Variants in TPTE2 observed in about 807,000 individuals in gnomAD.
TPTE2 encodes the protein transmembrane phosphoinositide 3-phosphatase and tensin homolog 2.
In TPTE2, 53 loss-of-function variants were observed where a neutral mutation model predicts 78.6. The ratio of observed to expected loss-of-function variants is 0.67; its 90% CI spans 0.54 to 0.85. The LOEUF (loss-of-function observed/expected upper bound fraction) is 0.85. TPTE2 is among the 40% of genes least tolerant of loss of function. The pLI is 0.00. For synonymous variants in TPTE2, 175 were observed against 206.2 expected (o/e 0.85, Z 1.30); for missense variants, 461 against 623.0 (o/e 0.74, Z 2.77).
intron 1 of TPTE2, among the ~76,000 whole-genome samples, chr13:19,522,613 T>C (rs977232383): frequency 1.4e-4 from 13 of 93,158 alleles, no homozygotes; most frequent in Non-Finnish European, 2.5e-4. Context: ...TCCTTACTTT[T>C]TTTTTCTTTT....
At chr13:19,504,345 T>C (rs1346935303), upstream of TPTE2, among the ~76,000 whole-genome samples, 2 of 152,102 alleles carry the variant, frequency 1.3e-5, no homozygotes, top group Non-Finnish European at 2.9e-5. Context: ...CAGTGCCTTC[T>C]TTTCACCATC....
chr13:19,484,395 GATA>G (rs1880535138), intron 3 of TPTE2, among the ~76,000 whole-genome samples: 1 of 152,180 alleles, frequency 6.6e-6, no homozygotes, highest in Admixed American at 6.5e-5. Flanking sequence ...GTCTATCTTG[GATA>G]ATGTTTCATG....
the TPTE2 span, among the ~76,000 whole-genome samples, chr13:19,555,741 C>G: frequency 1.3e-5 from 2 of 148,990 alleles, no homozygotes; most frequent in African/African-American, 5.0e-5. Context: ...TCAAGAATCT[C>G]AAGAATCTTC....
At chr13:19,519,308 G>A (rs1160444704) in intron 1 of TPTE2, among the ~76,000 whole-genome samples, 2 of 151,726 alleles carry the variant, frequency 1.3e-5, no homozygotes, top group Non-Finnish European at 2.9e-5. Context: ...AACCCCTCTA[G>A]CTTTCCTGTT....
chr13:19,453,499 C>A (rs1287215168), intron 10 of TPTE2, among the ~76,000 whole-genome samples: 1 of 146,936 alleles, frequency 6.8e-6, no homozygotes, highest in Non-Finnish European at 1.5e-5. Context: ...CTAGTTCTCT[C>A]AATGCCTAAA....
intron 10 of TPTE2, among the ~76,000 whole-genome samples, chr13:19,462,206 T>A (rs1032526527): frequency 6.6e-6 from 1 of 152,180 alleles, no homozygotes; most frequent in African/African-American, 2.4e-5. Context: ...TTTATACTTT[T>A]GTGTGTTTTG....
chr13:19,436,587 T>C (rs1877107507), intron 14 of TPTE2, among the ~76,000 whole-genome samples: 1 of 151,960 alleles, frequency 6.6e-6, no homozygotes, highest in African/African-American at 2.4e-5. Flanking sequence ...TAATTTTTTG[T>C]ATTTTTAGTA....
At chr13:19,492,621 T>C (rs949696293) in intron 3 of TPTE2, among the ~76,000 whole-genome samples, 4 of 152,180 alleles carry the variant, frequency 2.6e-5, no homozygotes, top group Admixed American at 2.6e-4. Context: ...GGAAACCTTG[T>C]TAAAAAATAC....
intron 10 of TPTE2, among the ~76,000 whole-genome samples, chr13:19,462,908 G>C (rs1419534254): frequency 1.1e-4 from 16 of 151,478 alleles, no homozygotes; most frequent in Admixed American, 1.1e-3. Context: ...GACCTTTTTG[G>C]GTTGAATCTA....
chr13:19,447,974 A>G (rs927203267), intron 13 of TPTE2, among the ~76,000 whole-genome samples: 1 of 152,204 alleles, frequency 6.6e-6, no homozygotes, highest in Non-Finnish European at 1.5e-5. Flanking sequence ...TTACTGGAAC[A>G]AAAACAGACA....
At chr13:19,487,330 T>G (rs1399161810) in intron 3 of TPTE2, among the ~76,000 whole-genome samples, 2 of 152,086 alleles carry the variant, frequency 1.3e-5, no homozygotes, top group Non-Finnish European at 2.9e-5. Flanking sequence ...CCTGTGGGAC[T>G]GTTTCTCAGG....
At chr13:19,544,934 T>TCACA in the TPTE2 span, among the ~76,000 whole-genome samples, 361 of 142,408 alleles carry the variant, frequency 2.5e-3, no homozygotes, top group African/African-American at 5.5e-3. Flanking sequence ...ACGTGCACAC[T>TCACA]CACACACACA....
chr13:19,425,134 T>C (rs1875931465), intron 18 of TPTE2, 117 bp from the exon 22 acceptor site: 8 of 531,474 alleles, frequency 1.5e-5, no homozygotes, highest in Non-Finnish European at 2.3e-5. Context: ...AACCATTAAA[T>C]AGGTAGCACT....
At chr13:19,425,383 C>T (rs1383818878) in intron 18 of TPTE2, among the ~76,000 whole-genome samples, 8 of 152,108 alleles carry the variant, frequency 5.3e-5, no homozygotes, top group Non-Finnish European at 1.0e-4. Context: ...TTTTTGTTGC[C>T]TCAGCATCCC....
At chr13:19,433,411 G>A (rs1220451317) in intron 15 of TPTE2, among the ~76,000 whole-genome samples, 1 of 152,182 alleles carries the variant, frequency 6.6e-6, no homozygotes, top group African/African-American at 2.4e-5. Flanking sequence ...GCTGAGGCAG[G>A]AGAATCGCTT....
upstream of TPTE2, among the ~76,000 whole-genome samples, chr13:19,539,233 A>G (rs529283366): frequency 4.6e-5 from 7 of 152,286 alleles, no homozygotes; most frequent in Admixed American, 3.3e-4. Context: ...TTCAAACTTG[A>G]TATGGTTTGG....
At chr13:19,467,569 C>T (rs1879345097) in intron 6 of TPTE2, among the ~76,000 whole-genome samples, 2 of 152,098 alleles carry the variant, frequency 1.3e-5, no homozygotes, top group South Asian at 2.1e-4. Flanking sequence ...GTGACTAAAA[C>T]ACCAACATGG....
chr13:19,472,956 T>G (rs1344496444), intron 6 of TPTE2, among the ~76,000 whole-genome samples: 1 of 152,232 alleles, frequency 6.6e-6, no homozygotes, highest in Non-Finnish European at 1.5e-5. Flanking sequence ...TGCAGACTTA[T>G]AGTGGTACTG....
intron 10 of TPTE2, among the ~76,000 whole-genome samples, chr13:19,451,808 AGT>A (rs201672341): frequency 0.069 from 9,237 of 134,698 alleles, 300 homozygotes; most frequent in South Asian, 0.12. Flanking sequence ...TGTACCTATA[AGT>A]GTGTGTGTGT....
Sources: gnomAD v4.1 joint callset for allele counts (sites outside exome capture counted in the v4.1 genomes callset) on GRCh38, gnomAD v4.1.1 for gene constraint, MANE v1.5 for transcripts, NCBI Gene and HGNC (gene_info 2026-07-23, HGNC 2026-07-21) for gene names.